APOO: variants seen among roughly 807,000 people sequenced by gnomAD.
APOO encodes MICOS complex subunit MIC26.
APOO carries 11 observed loss-of-function variants against 23.1 expected under a neutral mutation model. That is an observed-to-expected ratio of 0.48 (90% CI 0.30 to 0.79). The LOEUF (loss-of-function observed/expected upper bound fraction) is 0.79. Among genes scored for constraint, APOO ranks in the 30% least tolerant of loss-of-function variants. APOO has a pLI of 0.07. For synonymous variants in APOO, 59 were observed against 54.8 expected (o/e 1.08, Z -0.34); for missense variants, 160 against 142.7 (o/e 1.12, Z -0.62).
intron 1 of APOO, among the ~76,000 whole-genome samples, chrX:23,893,808 G>T (rs1926779965): frequency 9.1e-6 from 1 of 110,413 alleles, no homozygotes; most frequent in Non-Finnish European, 1.9e-5. Flanking sequence ...CTGATCTCAG[G>T]TGATCTGCCT....
intron 7 of APOO, among the ~76,000 whole-genome samples, chrX:23,852,204 G>A (rs1156233160): frequency 1.8e-5 from 2 of 111,059 alleles, no homozygotes; most frequent in Non-Finnish European, 3.8e-5. Flanking sequence ...GATTACAGGC[G>A]TGAGCCACCA....
chrX:23,874,108 G>GAAT (rs1293879017), intron 4 of APOO, among the ~76,000 whole-genome samples: 1 of 111,804 alleles, frequency 8.9e-6, no homozygotes, highest in Non-Finnish European at 1.9e-5. Flanking sequence ...TTAGTATGGT[G>GAAT]TATTACGCTG....
chrX:23,863,617 A>C (rs1413260971), intron 5 of APOO, among the ~76,000 whole-genome samples: 1 of 111,409 alleles, frequency 9.0e-6, no homozygotes, highest in Non-Finnish European at 1.9e-5. Flanking sequence ...GGTCTTGGGA[A>C]GTTTACCTCC....
chrX:23,848,717 G>A (rs925419405), intron 7 of APOO, among the ~76,000 whole-genome samples: 1 of 99,592 alleles, frequency 1.0e-5, no homozygotes, highest in Non-Finnish European at 2.0e-5. Context: ...ACAGAGTCTT[G>A]TTCTGTCAAC....
intron 1 of APOO, among the ~76,000 whole-genome samples, chrX:23,891,900 G>A (rs1044934302): frequency 2.8e-5 from 3 of 107,357 alleles, no homozygotes; most frequent in Non-Finnish European, 5.7e-5. Flanking sequence ...TATAGTTTAA[G>A]TATATATAAT....
intron 5 of APOO, 138 bp from the exon 6 acceptor site, chrX:23,858,871 C>T (rs1005167968): frequency 4.1e-5 from 20 of 483,983 alleles, no homozygotes; most frequent in Non-Finnish European, 6.3e-5. Flanking sequence ...GAGGCCGAGG[C>T]GGGAGGATCA....
At chrX:23,900,942 G>GA (rs965497938) in intron 1 of APOO, among the ~76,000 whole-genome samples, 1 of 111,218 alleles carries the variant, frequency 9.0e-6, no homozygotes, top group African/African-American at 3.3e-5. Flanking sequence ...AACTGTTAGG[G>GA]AAAAAAAACC....
At chrX:23,887,229 C>CTTTTTTTTTTTTTTTTTTTTT (rs765596270) in intron 1 of APOO, among the ~76,000 whole-genome samples, 1 of 54,212 alleles carries the variant, frequency 1.8e-5, no homozygotes, top group Non-Finnish European at 3.2e-5. Context: ...TTCTTTTTCC[C>CTTTTTTTTTTTTTTTTTTTTT]TTTTTTTTTT....
At chrX:23,840,206 A>C in intron 8 of APOO, 107 bp downstream of exon 8, 1 of 435,410 alleles carries the variant, frequency 2.3e-6, no homozygotes, top group Non-Finnish European at 3.6e-6. Flanking sequence ...ATATTTTCAC[A>C]TCAAATTGAA....
chrX:23,838,153 G>A (rs1277352179), intron 8 of APOO, among the ~76,000 whole-genome samples: 2 of 103,150 alleles, frequency 1.9e-5, no homozygotes, highest in Admixed American at 1.1e-4. Flanking sequence ...TCAGGAGTTC[G>A]AGACCAGCCT....
At chrX:23,858,526 C>T (rs749408587) in intron 6 of APOO, 116 bp downstream of exon 6, 1 of 664,270 alleles carries the variant, frequency 1.5e-6, no homozygotes, top group South Asian at 3.4e-5. Flanking sequence ...TCTATATGTA[C>T]AAACAAATTT....
intron 8 of APOO, among the ~76,000 whole-genome samples, chrX:23,834,257 A>G (rs920336600): frequency 1.0e-4 from 11 of 108,033 alleles, no homozygotes; most frequent in Admixed American, 7.1e-4. Flanking sequence ...TTAGCCGGGC[A>G]TGGTGGCGGG....
rs193132068 is a variant in APOO, at chrX:23,844,829, C to T, written c.562-4452G>A. ...ACAATGACATAAGGATTCCTGACTA[C>T]AGGGTATGGTTCCATTTTCTATCAG... On this transcript the variant is annotated intron_variant, in intron 7 of 8. Transcript: ENST00000379226. Among the ~76,000 whole-genome samples the T allele has an allele frequency of 2.2e-3, 245 of 112,377 alleles. 1 individual carries two copies. Among genetic ancestry groups the T allele is most frequent in the Non-Finnish European group, 3.5e-3 (189 of 53,269 alleles).
intron 8 of APOO, 194 bp downstream of exon 8, chrX:23,840,119 C>G (rs1923897422): frequency 3.5e-6 from 1 of 282,386 alleles, no homozygotes; most frequent in Admixed American, 6.3e-5. Context: ...GTCTAAAAAA[C>G]CCAGGTAACA....
chrX:23,873,155 C>G (rs960779555), intron 4 of APOO, among the ~76,000 whole-genome samples: 1 of 111,824 alleles, frequency 8.9e-6, no homozygotes, highest in Admixed American at 9.6e-5. Context: ...CTTATTCATT[C>G]TAACTATATT....
intron 7 of APOO, among the ~76,000 whole-genome samples, chrX:23,847,402 G>A (rs965105235): frequency 1.8e-5 from 2 of 110,609 alleles, no homozygotes; most frequent in East Asian, 2.9e-4. Flanking sequence ...CGAGGCGGGC[G>A]GATCACGAGG....
At chrX:23,851,158 T>G (rs1439605928) in intron 7 of APOO, among the ~76,000 whole-genome samples, 1 of 107,279 alleles carries the variant, frequency 9.3e-6, no homozygotes, top group Non-Finnish European at 1.9e-5. Flanking sequence ...GACTTGGGGG[T>G]GAGGGGACCC....
At chrX:23,844,503 G>A (rs949442421) in intron 7 of APOO, among the ~76,000 whole-genome samples, 2 of 111,209 alleles carry the variant, frequency 1.8e-5, no homozygotes, top group Non-Finnish European at 3.8e-5. Context: ...CAGAAGAAGA[G>A]GTCAGAAGGG....
At chrX:23,906,131 AG>A (rs1407478540) in intron 1 of APOO, among the ~76,000 whole-genome samples, 1 of 112,723 alleles carries the variant, frequency 8.9e-6, no homozygotes, top group African/African-American at 3.2e-5. Flanking sequence ...TAACCAAGTG[AG>A]GAAGTCCAAC....
Sources: gnomAD v4.1 joint callset for allele counts (sites outside exome capture counted in the v4.1 genomes callset) on GRCh38, gnomAD v4.1.1 for gene constraint, MANE v1.5 for transcripts, NCBI Gene and HGNC (gene_info 2026-07-23, HGNC 2026-07-21) for gene names.